Variants in THRB observed in about 807,000 individuals in gnomAD.
THRB encodes the protein nuclear receptor subfamily 1 group A member 2.
THRB carries 12 observed loss-of-function variants against 47.8 expected under a neutral mutation model. The observed-to-expected ratio is 0.25, with a 90% CI of 0.16 to 0.41. The LOEUF is 0.41. Among genes scored for constraint, THRB ranks in the 10% least tolerant of loss-of-function variants. THRB has a pLI of 1.00. For missense variants in THRB, 348 were observed against 589.2 expected (o/e 0.59, Z 4.24); for synonymous variants, 218 against 212.2 (o/e 1.03, Z -0.24).
At chr3:24,412,670 A>T (rs529070670) in intron 1 of THRB, among the ~76,000 whole-genome samples, 1 of 151,992 alleles carries the variant, frequency 6.6e-6, no homozygotes, top group African/African-American at 2.4e-5. Flanking sequence ...ATAAATGAAA[A>T]GGGATATTTA....
At chr3:24,312,208 T>G (rs780360804) in intron 2 of THRB, among the ~76,000 whole-genome samples, 2 of 152,232 alleles carry the variant, frequency 1.3e-5, no homozygotes, top group African/African-American at 4.8e-5. Flanking sequence ...GCCCCACCCA[T>G]GTGGGGGGTG....
intron 1 of THRB, among the ~76,000 whole-genome samples, chr3:24,438,446 G>A (rs1402047887): frequency 6.6e-6 from 1 of 151,826 alleles, no homozygotes; most frequent in East Asian, 1.9e-4. Flanking sequence ...ATGAGATGAC[G>A]CCTATCTTTT....
At chr3:24,215,363 A>G (rs772237425) in intron 4 of THRB, among the ~76,000 whole-genome samples, 13 of 152,172 alleles carry the variant, frequency 8.5e-5, no homozygotes, top group Non-Finnish European at 1.6e-4. Context: ...TCCAAGTCAC[A>G]AGGTTACTTA....
intron 4 of THRB, among the ~76,000 whole-genome samples, 171 bp downstream of exon 4, chr3:24,228,764 CAGA>C (rs2047950467): frequency 6.6e-6 from 1 of 151,754 alleles, no homozygotes; most frequent in Admixed American, 6.6e-5. Context: ...CATCTTATAT[CAGA>C]AGAAGATGGA....
chr3:24,237,662 A>T (rs535706757), intron 3 of THRB, among the ~76,000 whole-genome samples: 110 of 152,216 alleles, frequency 7.2e-4, no homozygotes, highest in African/African-American at 2.5e-3. Context: ...CATTCCTAAA[A>T]TGGGAATAAG....
intron 4 of THRB, among the ~76,000 whole-genome samples, chr3:24,218,324 GTCTCTC>G (rs61594117): frequency 1.2e-4 from 16 of 133,910 alleles, no homozygotes; most frequent in Non-Finnish European, 1.5e-4. Flanking sequence ...TAAATTTTTT[GTCTCTC>G]TCTCTCTCTC....
chr3:24,466,574 A>C (rs892586070), intron 1 of THRB, among the ~76,000 whole-genome samples: 4 of 152,132 alleles, frequency 2.6e-5, no homozygotes, highest in African/African-American at 7.2e-5. Context: ...CTACAGGCAC[A>C]CTTTGGAGAT....
chr3:24,261,966 C>A (rs2052091699), intron 3 of THRB, among the ~76,000 whole-genome samples: 1 of 152,160 alleles, frequency 6.6e-6, no homozygotes. Flanking sequence ...TGTACTTACT[C>A]CCTTGGTGAT....
intron 4 of THRB, among the ~76,000 whole-genome samples, chr3:24,194,089 A>G (rs546956311): frequency 1.3e-5 from 2 of 152,228 alleles, no homozygotes; most frequent in African/African-American, 4.8e-5. Context: ...ATGCAAAGGC[A>G]TAAGAATGAT....
intron 10 of THRB, among the ~76,000 whole-genome samples, chr3:24,126,209 A>G (rs903369778): frequency 1.3e-5 from 2 of 152,042 alleles, no homozygotes; most frequent in African/African-American, 4.8e-5. Context: ...ACTGGGCAAC[A>G]TAGTGAGACC....
At chr3:24,418,249 A>G (rs1366718129) in intron 1 of THRB, among the ~76,000 whole-genome samples, 1 of 151,378 alleles carries the variant, frequency 6.6e-6, no homozygotes, top group Non-Finnish European at 1.5e-5. Flanking sequence ...TAGGGATTAA[A>G]AAAAAAAAAA....
chr3:24,248,945 G>T (rs1008213360), intron 3 of THRB, among the ~76,000 whole-genome samples: 27 of 152,082 alleles, frequency 1.8e-4, no homozygotes, highest in African/African-American at 6.5e-4. Context: ...CTCCAATTCC[G>T]ATGTAACAAC....
intron 9 of THRB, among the ~76,000 whole-genome samples, 197 bp from the exon 10 acceptor site, chr3:24,127,954 A>T (rs1194270894): frequency 1.3e-5 from 2 of 152,194 alleles, no homozygotes; most frequent in East Asian, 3.9e-4. Context: ...GTTGACTGTA[A>T]TCTTCACCAA....
At chr3:24,302,865 A>G (rs1360249923) in intron 2 of THRB, among the ~76,000 whole-genome samples, 1 of 152,216 alleles carries the variant, frequency 6.6e-6, no homozygotes, top group African/African-American at 2.4e-5. Context: ...AATGCTTATT[A>G]TTCAGTGAGT....
chr3:24,198,135 C>T (rs1251711076), intron 4 of THRB, among the ~76,000 whole-genome samples: 1 of 152,204 alleles, frequency 6.6e-6, no homozygotes, highest in African/African-American at 2.4e-5. Context: ...GCTGCAGTGC[C>T]TGCTCGCTTC....
intron 5 of THRB, among the ~76,000 whole-genome samples, chr3:24,176,838 A>C (rs1484557013): frequency 1.3e-5 from 2 of 152,168 alleles, no homozygotes; most frequent in African/African-American, 4.8e-5. Context: ...TTTTGGGATG[A>C]TGGAAATGTT....
chr3:24,267,119 A>T (rs1438701022), intron 3 of THRB, among the ~76,000 whole-genome samples: 2 of 152,160 alleles, frequency 1.3e-5, no homozygotes, highest in Non-Finnish European at 2.9e-5. Flanking sequence ...CGAGAGAAAC[A>T]AACTGAGAAC....
intron 4 of THRB, among the ~76,000 whole-genome samples, chr3:24,191,717 TG>T (rs1336876627): frequency 6.6e-6 from 1 of 152,258 alleles, no homozygotes; most frequent in Non-Finnish European, 1.5e-5. Flanking sequence ...TTTTGAAAGT[TG>T]CATTTACCCT....
At chr3:24,174,712 TCACA>T (rs764887565) in intron 5 of THRB, among the ~76,000 whole-genome samples, 1 of 152,202 alleles carries the variant, frequency 6.6e-6, no homozygotes, top group Non-Finnish European at 1.5e-5. Context: ...TCTGGCTTGG[TCACA>T]CACAGTTTCC....
Sources: gnomAD v4.1 joint callset for allele counts (sites outside exome capture counted in the v4.1 genomes callset) on GRCh38, gnomAD v4.1.1 for gene constraint, MANE v1.5 for transcripts, NCBI Gene and HGNC (gene_info 2026-07-23, HGNC 2026-07-21) for gene names.